LAMA2: variants seen among roughly 807,000 people sequenced by gnomAD.
LAMA2 encodes laminin subunit alpha-2.
A neutral mutation model predicts 364.8 loss-of-function variants in LAMA2; 269 were observed. That is an observed-to-expected ratio of 0.74 (90% confidence interval 0.67 to 0.82). The LOEUF is 0.82. LAMA2 is among the 40% of genes least tolerant of loss of function. The pLI is 0.00. For synonymous variants in LAMA2, 1,379 were observed against 1,370.6 expected (o/e 1.01, Z -0.14); for missense variants, 3,807 against 3,873.2 (o/e 0.98, Z 0.45).
At chr6:129,335,351 AGTAG>A (rs200399444) in intron 29 of LAMA2, among the ~76,000 whole-genome samples, 2 of 138,410 alleles carry the variant, frequency 1.4e-5, no homozygotes, top group East Asian at 4.3e-4. Flanking sequence ...ATAGGTAGTA[AGTAG>A]GTAGATAGAT....
intron 18 of LAMA2, among the ~76,000 whole-genome samples, chr6:129,282,902 C>T (rs1788823778): frequency 6.6e-6 from 1 of 152,124 alleles, no homozygotes; most frequent in African/African-American, 2.4e-5. Flanking sequence ...CTGCCTTTTG[C>T]CCTGTCAAAT....
intron 17 of LAMA2, among the ~76,000 whole-genome samples, chr6:129,272,643 G>A (rs1261245247): frequency 1.3e-5 from 2 of 152,066 alleles, no homozygotes; most frequent in African/African-American, 4.8e-5. Context: ...ATCTAGCAAG[G>A]TTTTGAGAAA....
intron 1 of LAMA2, among the ~76,000 whole-genome samples, chr6:128,938,384 T>A (rs560445587): frequency 3.3e-5 from 5 of 152,170 alleles, no homozygotes; most frequent in Non-Finnish European, 7.4e-5. Flanking sequence ...CTAGACACTG[T>A]TTGCATGAAT....
At chr6:128,921,987 T>C (rs1237121938) in intron 1 of LAMA2, among the ~76,000 whole-genome samples, 2 of 151,942 alleles carry the variant, frequency 1.3e-5, no homozygotes, top group Non-Finnish European at 2.9e-5. Flanking sequence ...GATAGTTTAC[T>C]GAGAATGATG....
At chr6:128,930,232 A>G (rs945340728) in intron 1 of LAMA2, among the ~76,000 whole-genome samples, 1 of 152,152 alleles carries the variant, frequency 6.6e-6, no homozygotes, top group Non-Finnish European at 1.5e-5. Context: ...TTTCTAAAGT[A>G]TTTCTTATAT....
intron 1 of LAMA2, among the ~76,000 whole-genome samples, chr6:129,007,008 AC>A (rs995665485): frequency 2.0e-5 from 3 of 151,620 alleles, no homozygotes; most frequent in African/African-American, 7.3e-5. Flanking sequence ...CTGAACAACC[AC>A]CCCTTTGTGC....
At chr6:128,949,284 C>T (rs915833548) in intron 1 of LAMA2, among the ~76,000 whole-genome samples, 1 of 152,248 alleles carries the variant, frequency 6.6e-6, no homozygotes, top group South Asian at 2.1e-4. Context: ...GGTGCAGATT[C>T]TTCTCTTCTT....
chr6:129,148,234 T>C (rs181297722), intron 6 of LAMA2, among the ~76,000 whole-genome samples: 4 of 152,228 alleles, frequency 2.6e-5, no homozygotes, highest in Non-Finnish European at 5.9e-5. Context: ...ACCATGGTCC[T>C]CAGGAAACTA....
intron 3 of LAMA2, among the ~76,000 whole-genome samples, chr6:129,076,730 A>T (rs549804911): frequency 8.6e-5 from 13 of 151,992 alleles, no homozygotes; most frequent in African/African-American, 3.1e-4. Context: ...TACTTACTAA[A>T]GAGATTGTGT....
At chr6:129,364,297 G>A (rs977475007) in intron 32 of LAMA2, among the ~76,000 whole-genome samples, 2 of 152,082 alleles carry the variant, frequency 1.3e-5, no homozygotes, top group Non-Finnish European at 2.9e-5. Flanking sequence ...AGCAGCTCAG[G>A]GGACTGCTGT....
At chr6:128,895,239 C>A (rs79861131) in intron 1 of LAMA2, among the ~76,000 whole-genome samples, 1 of 152,112 alleles carries the variant, frequency 6.6e-6, no homozygotes, top group East Asian at 1.9e-4. Context: ...TCTGCCATAT[C>A]ATCTGCCCTT....
chr6:129,210,024 A>AAAAAAAAAAAAAAAAAAT (rs200129656), intron 12 of LAMA2, among the ~76,000 whole-genome samples: 118 of 145,220 alleles, frequency 8.1e-4, no homozygotes, highest in East Asian at 4.2e-3. Flanking sequence ...AAAAAAAAAA[A>AAAAAAAAAAAAAAAAAAT]ATTTTTACTA....
intron 16 of LAMA2, 21 bp downstream of exon 16, chr6:129,267,240 G>A: frequency 6.7e-7 from 1 of 1,485,968 alleles, no homozygotes; most frequent in Non-Finnish European, 9.4e-7. Flanking sequence ...TCTTCTTTGG[G>A]GATGCTGATT....
At chr6:129,324,663 T>G (rs1206843649) in intron 28 of LAMA2, among the ~76,000 whole-genome samples, 2 of 152,232 alleles carry the variant, frequency 1.3e-5, no homozygotes, top group African/African-American at 4.8e-5. Flanking sequence ...GATAGCCTGT[T>G]GCTCCTAGGC....
chr6:129,343,232 T>C (rs911705879), intron 30 of LAMA2, among the ~76,000 whole-genome samples: 3 of 152,194 alleles, frequency 2.0e-5, no homozygotes, highest in Non-Finnish European at 4.4e-5. Context: ...AAATAATGTA[T>C]GGCAGTTTGT....
chr6:129,125,765 T>A (rs1354420824), intron 4 of LAMA2, among the ~76,000 whole-genome samples: 2 of 152,170 alleles, frequency 1.3e-5, no homozygotes, highest in Non-Finnish European at 2.9e-5. Flanking sequence ...TATTGCAGAT[T>A]TTAAAATTGC....
Position 129,280,059 on chromosome 6 carries a change from A to C in LAMA2, c.2451-2A>C. On this transcript the variant is annotated splice_acceptor_variant, in intron 17 of 64. Transcript: ENST00000421865. LOFTEE classifies it high-confidence loss of function. The stretch of plus-strand genomic sequence containing the variant: ...CTGTTTTCCGCAACAACATCAACAT[A>C]GCTTTAGCCCAACGTGCCATTTAGA... 6.2e-7 allele frequency: 1 copy of C among 1,609,290 alleles called. No individual in the cohort carries two copies. The highest frequency in any genetic ancestry group is 8.5e-7 in the Non-Finnish European group (1 of 1,175,760).
intron 10 of LAMA2, among the ~76,000 whole-genome samples, chr6:129,181,214 C>T (rs1465844527): frequency 1.3e-5 from 2 of 151,922 alleles, no homozygotes; most frequent in African/African-American, 4.8e-5. Context: ...ATAATACAGC[C>T]TCAACTGAAA....
chr6:129,267,902 A>G (rs1787625488), intron 16 of LAMA2, among the ~76,000 whole-genome samples: 1 of 152,088 alleles, frequency 6.6e-6, no homozygotes, highest in South Asian at 2.1e-4. Flanking sequence ...CATTAGTTTT[A>G]TATTGTCTGA....
Sources: gnomAD v4.1 joint callset for allele counts (sites outside exome capture counted in the v4.1 genomes callset) on GRCh38, gnomAD v4.1.1 for gene constraint, MANE v1.5 for transcripts, NCBI Gene and HGNC (gene_info 2026-07-23, HGNC 2026-07-21) for gene names.